Variants in FAT3 observed in about 807,000 individuals in gnomAD.
FAT3 encodes the protein protocadherin Fat 3.
FAT3 carries 95 observed loss-of-function variants against 310.2 expected under a neutral mutation model. The ratio of observed to expected loss-of-function variants is 0.31; its 90% CI spans 0.26 to 0.36. The LOEUF (loss-of-function observed/expected upper bound fraction) is 0.36, where lower values mean the gene tolerates loss of function less well. Among genes scored for constraint, FAT3 ranks in the 10% least tolerant of loss-of-function variants. FAT3 has a pLI of 1.00. For synonymous variants in FAT3, 2,314 were observed against 2,192.9 expected (o/e 1.06, Z -1.54); for missense variants, 5,408 against 5,715.6 (o/e 0.95, Z 1.74).
rs187333808 is a variant in FAT3, at chr11:92,892,101, C to T, written c.*988C>T. 2.0e-5 allele frequency: 3 copies of T among 152,180 alleles called. No homozygotes were observed. Among genetic ancestry groups the T allele is most frequent in the African/African-American group, 4.8e-5 (2 of 41,536 alleles). 9.4% of individuals were successfully genotyped at this position (152,180 alleles called of 1,614,324 possible). On this transcript the variant is annotated 3_prime_UTR_variant, in exon 28 of 28. Transcript: ENST00000525166. ...AGGAAAGGTGTCTGTTATTCTAAAT[C>T]GGTAGCATCACCATTATAAATACAA...
At chr11:92,447,225 G>A (rs1283815540) in intron 2 of FAT3, among the ~76,000 whole-genome samples, 3 of 11,908 alleles carry the variant, frequency 2.5e-4, no homozygotes, top group Non-Finnish European at 1.2e-3. Context: ...ATGTGTGCGT[G>A]TGTGTGTGTG....
intron 3 of FAT3, among the ~76,000 whole-genome samples, chr11:92,595,367 GTTGAA>G (rs1386178822): frequency 6.6e-6 from 1 of 152,146 alleles, no homozygotes; most frequent in East Asian, 1.9e-4. Context: ...GCTGGAATCT[GTTGAA>G]TTGAGCACAG....
intron 3 of FAT3, among the ~76,000 whole-genome samples, chr11:92,627,245 C>T (rs149464796): frequency 7.2e-4 from 110 of 152,244 alleles, no homozygotes; most frequent in Admixed American, 3.5e-3. Flanking sequence ...AGACACAGAG[C>T]AGTGATTTCA....
chr11:92,267,692 A>G (rs1329949597), intron 1 of FAT3, among the ~76,000 whole-genome samples: 2 of 152,194 alleles, frequency 1.3e-5, no homozygotes, highest in Non-Finnish European at 2.9e-5. Flanking sequence ...AGTTTTACCT[A>G]GAAGAATATT....
In FAT3 at chr11:92,867,099, C is replaced by A. The variant is rs2136351714; in HGVS notation, c.12017C>A (p.Ala4006Glu). Residue 4006 changes from alanine to glutamate, a missense_variant, in exon 22 of 28, where the codon GCG (alanine) becomes GAG (glutamate). Physicochemically the swap from Ala to Glu is moderately radical, Grantham distance 107. Around this residue, in one of 5 missense-constraint regions of FAT3, gnomAD observed 4,588 missense variants for 4,809.8 expected, o/e 0.95. Transcript: ENST00000525166. ...CTGCAGAACAAGCGCAGCAGCTTCG[C>A]GGAGGTGGTGGGCCTGACGGAGCTG... ...LPLQNKRSSF[A>E]EVVGLTELKL... 1 of 1,600,270 alleles carries A rather than the reference C, an allele frequency of 6.2e-7. No homozygotes were observed. Among genetic ancestry groups the A allele is most frequent in the Non-Finnish European group, 8.5e-7 (1 of 1,174,024 alleles).
rs528446229 is a variant in FAT3, at chr11:92,605,100, G to A, written c.3607+80152G>A. On this transcript the variant is annotated intron_variant, in intron 3 of 27. Transcript: ENST00000525166. ...CCAGTAACTGCACCATCATTACTGT[G>A]TCCCTCCTCCTGCACTTAGAATCTC... Among the ~76,000 whole-genome samples the A allele has an allele frequency of 1.2e-4, 19 of 152,246 alleles. No individual in the cohort carries two copies. In the South Asian group the frequency reaches 3.7e-3, roughly 30 times the overall value.
chr11:92,351,012 A>G (rs1948549513), intron 1 of FAT3, among the ~76,000 whole-genome samples: 1 of 152,186 alleles, frequency 6.6e-6, no homozygotes, highest in Non-Finnish European at 1.5e-5. Flanking sequence ...GATTGATTTT[A>G]CTGGCTAAAA....
chr11:92,795,686 G>A (rs919260863), intron 9 of FAT3, among the ~76,000 whole-genome samples: 1 of 152,068 alleles, frequency 6.6e-6, no homozygotes, highest in Non-Finnish European at 1.5e-5. Context: ...CAAGGCAGGT[G>A]GATCACTTGA....
chr11:92,688,729 T>G (rs1943708119), intron 3 of FAT3, among the ~76,000 whole-genome samples: 1 of 152,204 alleles, frequency 6.6e-6, no homozygotes, highest in African/African-American at 2.4e-5. Context: ...TCTGCATTTC[T>G]AACCAGCTCC....
rs534771376 is a variant in FAT3 at position 92,833,065 on chromosome 11, C to T, written c.9871+1054C>T. Among the ~76,000 whole-genome samples the T allele has an allele frequency of 2.3e-4, 35 of 152,258 alleles. No homozygotes were observed. The South Asian group carries it at 5.8e-3, about 25-fold the overall frequency. ...AACCCTGGGGCTTTCTCTTCACCAGCGAGTTAATAAGTATTAGACGTGCTT... is the reference window on the plus strand; with the variant it reads ...AACCCTGGGGCTTTCTCTTCACCAGTGAGTTAATAAGTATTAGACGTGCTT... On this transcript the variant is annotated intron_variant, in intron 14 of 27. Transcript: ENST00000525166.
In FAT3 at chr11:92,797,901, G is replaced by T; in HGVS notation, c.4888G>T (p.Asp1630Tyr). Residue 1630 changes from aspartate to tyrosine, a missense_variant, in exon 10 of 28, where the codon GAC becomes TAC. Around this residue, in one of 5 missense-constraint regions of FAT3, gnomAD observed 4,588 missense variants for 4,809.8 expected, o/e 0.95. Coordinates refer to ENST00000525166, the MANE Select transcript of FAT3 (RefSeq NM_001367949.2). The stretch of plus-strand genomic sequence containing the variant: ...CATCATCACCATTTGCAAAGAACCA[G>T]ACATGACGACGATGGGTCAGTTTGT... ...LGIITICKEPDMTTMGQFVLS... is the reference protein window; with the variant it reads ...LGIITICKEPYMTTMGQFVLS... The T allele has an allele frequency of 1.2e-6, 2 of 1,613,882 alleles. No homozygotes were observed. Among genetic ancestry groups the T allele is most frequent in the African/African-American group, 1.3e-5 (1 of 75,022 alleles).
chr11:92,796,343 T>A (rs1947172766), intron 9 of FAT3, among the ~76,000 whole-genome samples: 1 of 152,184 alleles, frequency 6.6e-6, no homozygotes, highest in Non-Finnish European at 1.5e-5. Context: ...ATATTCACAT[T>A]TGGGGGGGCT....
At chr11:92,652,786 A>T (rs1460937695) in intron 3 of FAT3, among the ~76,000 whole-genome samples, 1 of 152,216 alleles carries the variant, frequency 6.6e-6, no homozygotes, top group African/African-American at 2.4e-5. Flanking sequence ...TGCTTCCTGA[A>T]GGTGCTACCA....
chr11:92,541,682 A>G (rs1954453557), intron 3 of FAT3, among the ~76,000 whole-genome samples: 1 of 152,148 alleles, frequency 6.6e-6, no homozygotes, highest in Non-Finnish European at 1.5e-5. Context: ...TGAAATGGTT[A>G]AAGACTTGGG....
At position 92,801,344 on chromosome 11, in the gene FAT3, A is replaced by G; in HGVS notation, c.8331A>G (p.Pro2777=). The change falls in exon 10 of 28, where the codon CCA becomes CCG. Residue 2777 remains proline (P), a synonymous_variant. Transcript: ENST00000525166. ...AACGCCTTGACCGTGAAACCAGCCC[A>G]GCTTTCCACTTTAAAGTAGCAGCCA... ...LDKRLDRETS[P]AFHFKVAATI... is the part of the protein sequence containing the mutation. The G allele has an allele frequency of 6.2e-7, 1 of 1,614,020 alleles. No individual in the cohort carries two copies. The highest frequency in any genetic ancestry group is 1.1e-5 in the South Asian group (1 of 91,082).
intron 1 of FAT3, among the ~76,000 whole-genome samples, chr11:92,229,715 C>A (rs1864089416): frequency 6.6e-6 from 1 of 151,152 alleles, no homozygotes; most frequent in Non-Finnish European, 1.5e-5. Flanking sequence ...GACAAATGAC[C>A]CATTCTAGCA....
Position 92,501,968 on chromosome 11 carries a change from C to T in FAT3, c.3293-22666C>T, listed in dbSNP as rs113981640. On this transcript the variant is annotated intron_variant, in intron 2 of 27. Transcript: ENST00000525166. Reference sequence around the variant, plus strand: ...ACTTAATGAGAGGAGCAAAAATGCACGCGCGCGTGTGTGTGTATTTCCACC... The same window carrying T: ...ACTTAATGAGAGGAGCAAAAATGCATGCGCGCGTGTGTGTGTATTTCCACC... 2.5e-3 allele frequency among the ~76,000 whole-genome samples: 375 copies of T among 151,564 alleles called. 3 individuals are homozygous for T. The highest frequency in any genetic ancestry group is 8.4e-3 in the African/African-American group (346 of 41,374).
At chr11:92,502,398 A>G (rs961395807) in intron 2 of FAT3, among the ~76,000 whole-genome samples, 2 of 152,108 alleles carry the variant, frequency 1.3e-5, no homozygotes, top group Non-Finnish European at 2.9e-5. Flanking sequence ...CCAATGCATC[A>G]GGAGTATTGC....
chr11:92,706,139 G>C (rs919837894), intron 4 of FAT3, among the ~76,000 whole-genome samples: 2 of 151,760 alleles, frequency 1.3e-5, no homozygotes, highest in African/African-American at 4.9e-5. Context: ...TGAGATGGGA[G>C]TGAGGTTTAC....
Sources: gnomAD v4.1 joint callset for allele counts (sites outside exome capture counted in the v4.1 genomes callset) on GRCh38, gnomAD v4.1.1 for gene constraint, gnomAD v4.1.1 regional missense constraint, MANE v1.5 for transcripts, NCBI Gene and HGNC (gene_info 2026-07-23, HGNC 2026-07-21) for gene names.